Variants in ARHGEF7 observed in about 807,000 individuals in gnomAD.
ARHGEF7 encodes Rho guanine nucleotide exchange factor 7.
In ARHGEF7, 33 loss-of-function variants were observed where a neutral mutation model predicts 109.8. That is an observed-to-expected ratio of 0.30 (90% CI 0.23 to 0.40). ARHGEF7 has a LOEUF of 0.40. Ranked by LOEUF, ARHGEF7 falls within the 10% of genes least tolerant of loss-of-function variation. ARHGEF7 has a pLI of 1.00. For synonymous variants in ARHGEF7, 458 were observed against 424.6 expected, an observed-to-expected ratio of 1.08 and a Z score of -0.97; for missense variants, 938 against 1,098.5, an observed-to-expected ratio of 0.85 and a Z score of 2.07.
Position 111,280,366 on chromosome 13 carries a change from T to C in ARHGEF7, c.1585+16T>C. 2 of 1,611,016 alleles carry C rather than the reference T, an allele frequency of 1.2e-6. No homozygotes were observed. Among genetic ancestry groups the C allele is most frequent in the Non-Finnish European group, 1.7e-6 (2 of 1,177,926 alleles). On this transcript the variant is annotated intron_variant, in intron 14 of 21. Transcript: ENST00000646102. Reference sequence around the variant, plus strand: ...GAAATATCAGGTGATAGGCACAAGCTGTGTGAGTGCTGTGTCTCGGGGAGG... The same window carrying C: ...GAAATATCAGGTGATAGGCACAAGCCGTGTGAGTGCTGTGTCTCGGGGAGG...
chr13:111,263,632 G>A (rs1000028290), intron 8 of ARHGEF7, among the ~76,000 whole-genome samples: 4 of 152,178 alleles, frequency 2.6e-5, no homozygotes, highest in South Asian at 2.1e-4. Flanking sequence ...TTTTCTGTGC[G>A]TATACCTTTG....
chr13:111,181,016 T>C (rs2078681212), intron 2 of ARHGEF7, among the ~76,000 whole-genome samples: 1 of 152,216 alleles, frequency 6.6e-6, no homozygotes, highest in Admixed American at 6.5e-5. Flanking sequence ...GACTTACTAC[T>C]TGGAAAATAA....
chr13:111,225,400 ACCT>A (rs1259356532), intron 5 of ARHGEF7, among the ~76,000 whole-genome samples: 12 of 151,014 alleles, frequency 7.9e-5, no homozygotes, highest in Non-Finnish European at 1.5e-5. Flanking sequence ...GGCGTTACTC[ACCT>A]CCTCTCCTCT....
intron 4 of ARHGEF7, among the ~76,000 whole-genome samples, chr13:111,212,331 G>T (rs529582296): frequency 1.3e-5 from 2 of 152,240 alleles, no homozygotes; most frequent in East Asian, 3.9e-4. Flanking sequence ...ATCCAGTTCG[G>T]CTCTGTGATG....
intron 2 of ARHGEF7, among the ~76,000 whole-genome samples, chr13:111,175,012 T>C (rs1333910279): frequency 6.6e-6 from 1 of 152,198 alleles, no homozygotes; most frequent in Non-Finnish European, 1.5e-5. Flanking sequence ...CATACAGCAG[T>C]GTGAATTTGA....
chr13:111,173,376 C>T (rs2077779056), intron 2 of ARHGEF7, among the ~76,000 whole-genome samples: 1 of 152,208 alleles, frequency 6.6e-6, no homozygotes, highest in African/African-American at 2.4e-5. Flanking sequence ...CACAGAGTAG[C>T]AGGGTCATAC....
chr13:111,168,104 G>T (rs572558052), intron 2 of ARHGEF7, among the ~76,000 whole-genome samples: 1 of 152,290 alleles, frequency 6.6e-6, no homozygotes, highest in Admixed American at 6.5e-5. Context: ...GGAGCCTGAG[G>T]AGAGGGTCCT....
intron 2 of ARHGEF7, among the ~76,000 whole-genome samples, chr13:111,155,248 C>G (rs1221941313): frequency 2.0e-5 from 3 of 152,142 alleles, no homozygotes; most frequent in Non-Finnish European, 4.4e-5. Flanking sequence ...GTAGGATAAC[C>G]CAACAGAGGT....
intron 1 of ARHGEF7, chr13:111,153,559 C>T (rs2076023899): frequency 3.0e-6 from 3 of 985,980 alleles, no homozygotes; most frequent in South Asian, 5.9e-5. Flanking sequence ...GCCGGCAAAG[C>T]AGGGTGGGCT....
At chr13:111,290,408 C>T (rs150416550) in intron 18 of ARHGEF7, among the ~76,000 whole-genome samples, 89 of 152,276 alleles carry the variant, frequency 5.8e-4, no homozygotes, top group African/African-American at 2.0e-3. Context: ...TTAGAAATGA[C>T]TCAAAGTATA....
intron 16 of ARHGEF7, 32 bp from the exon 17 acceptor site, chr13:111,286,115 G>T: frequency 6.4e-7 from 1 of 1,552,050 alleles, no homozygotes; most frequent in Non-Finnish European, 8.9e-7. Context: ...TGGCTTTAGA[G>T]TATGTTAGCA....
chr13:111,129,897 C>T (rs569752447), intron 1 of ARHGEF7, among the ~76,000 whole-genome samples: 171 of 152,156 alleles, frequency 1.1e-3, no homozygotes, highest in Non-Finnish European at 1.7e-3. Flanking sequence ...AAAATGGAAA[C>T]GATACGGCCA....
intron 1 of ARHGEF7, among the ~76,000 whole-genome samples, chr13:111,117,336 A>G (rs145119955): frequency 0.017 from 2,545 of 152,354 alleles, 70 homozygotes; most frequent in African/African-American, 0.058. Context: ...CTAAAACAAC[A>G]AAGAGAAGAA....
chr13:111,210,961 A>G (rs2082418557), intron 4 of ARHGEF7, among the ~76,000 whole-genome samples: 1 of 152,232 alleles, frequency 6.6e-6, no homozygotes, highest in Non-Finnish European at 1.5e-5. Context: ...GTAGAGGGAA[A>G]TAAATTACAG....
intron 8 of ARHGEF7, among the ~76,000 whole-genome samples, chr13:111,247,460 G>A (rs555013032): frequency 6.6e-5 from 10 of 152,038 alleles, no homozygotes; most frequent in Admixed American, 1.3e-4. Flanking sequence ...TAGTAGAGAC[G>A]GGGTTTCACC....
At chr13:111,172,805 G>A (rs1167590217) in intron 2 of ARHGEF7, among the ~76,000 whole-genome samples, 1 of 152,206 alleles carries the variant, frequency 6.6e-6, no homozygotes, top group African/African-American at 2.4e-5. Flanking sequence ...TGCCGTTGTT[G>A]TGCGACAGCA....
intron 2 of ARHGEF7, among the ~76,000 whole-genome samples, chr13:111,197,497 T>C (rs1166364876): frequency 6.6e-6 from 1 of 152,216 alleles, no homozygotes; most frequent in Non-Finnish European, 1.5e-5. Flanking sequence ...TCCTAAGCGT[T>C]CTCCTGTTAG....
intron 8 of ARHGEF7, among the ~76,000 whole-genome samples, chr13:111,257,382 A>G (rs916976998): frequency 3.3e-5 from 5 of 152,268 alleles, no homozygotes; most frequent in African/African-American, 9.6e-5. Flanking sequence ...TGTATATGAT[A>G]GGACTTCAGT....
chr13:111,120,735 C>G (rs1331560000), intron 1 of ARHGEF7, among the ~76,000 whole-genome samples: 2 of 152,184 alleles, frequency 1.3e-5, no homozygotes, highest in East Asian at 3.9e-4. Flanking sequence ...TTCTATACAT[C>G]TTAAAAGAGA....
Sources: gnomAD v4.1 joint callset for allele counts (sites outside exome capture counted in the v4.1 genomes callset) on GRCh38, gnomAD v4.1.1 for gene constraint, MANE v1.5 for transcripts, NCBI Gene and HGNC (gene_info 2026-07-23, HGNC 2026-07-21) for gene names.